The following GPLD1 variants were observed in gnomAD, a reference collection of about 807,000 sequenced individuals.
GPLD1 encodes the protein glycosylphosphatidylinositol specific phospholipase D1.
A neutral mutation model predicts 112.6 loss-of-function variants in GPLD1; 84 were observed. That is an observed-to-expected ratio of 0.75 (90% CI 0.63 to 0.89). The LOEUF is 0.89. Among genes scored for constraint, GPLD1 ranks in the 40% least tolerant of loss-of-function variants. The probability of loss-of-function intolerance (pLI) is 0.00; values close to 1 mark genes in which losing one functional copy is unlikely to be tolerated. For missense variants in GPLD1, 1,044 were observed against 1,051.5 expected, an observed-to-expected ratio of 0.99 and a Z score of 0.10; for synonymous variants, 386 against 403.8, an observed-to-expected ratio of 0.96 and a Z score of 0.53.
downstream of GPLD1, chr6:24,424,219 CCT>C (rs1491334554): frequency 1.6e-5 from 2 of 122,508 alleles, no homozygotes; most frequent in African/African-American, 3.0e-5. Flanking sequence ...GTATTTGCCC[CCT>C]TTTTTTTATA....
chr6:24,466,967 T>A (rs1038635233), intron 8 of GPLD1, 28 bp from the exon 9 acceptor site: 3 of 1,595,810 alleles, frequency 1.9e-6, no homozygotes, highest in Non-Finnish European at 2.6e-6. Flanking sequence ...ATTTTGGCTG[T>A]GAGTTGCAGT....
At chr6:24,442,419 CTAATTTTTTTTTTTTTTTTT>C (rs1561832871) in intron 20 of GPLD1, among the ~76,000 whole-genome samples, 3 of 126,790 alleles carry the variant, frequency 2.4e-5, no homozygotes, top group African/African-American at 5.8e-5. Context: ...CCACATCTGG[CTAATTTTTTTTTTTTTTTTT>C]TTTTTTTTTT....
intron 14 of GPLD1, 91 bp from the exon 15 acceptor site, chr6:24,449,990 ACCCCCGC>A: frequency 1.2e-6 from 1 of 826,248 alleles, no homozygotes; most frequent in Non-Finnish European, 1.9e-6. Flanking sequence ...GCCTGGGACA[ACCCCCGC>A]CCCCCGCCAC....
At chr6:24,444,827 C>A (rs1008009960) in intron 20 of GPLD1, among the ~76,000 whole-genome samples, 2 of 151,870 alleles carry the variant, frequency 1.3e-5, no homozygotes, top group African/African-American at 4.8e-5. Flanking sequence ...CCAGCCTGGG[C>A]GACACAGCAA....
chr6:24,455,827 T>C lies in GPLD1; in HGVS notation c.1148+671A>G, dbSNP rs562061373. Reference sequence around the variant, plus strand: ...ACCGAAAGTTCCTTGTATTTAAACATATTTGACCAAGTGTAAGGAGATCAT... The same window carrying C: ...ACCGAAAGTTCCTTGTATTTAAACACATTTGACCAAGTGTAAGGAGATCAT... On this transcript the variant is annotated intron_variant, in intron 13 of 24. Transcript: ENST00000230036. Among the ~76,000 whole-genome samples, 3 of 152,316 alleles carry C rather than the reference T, an allele frequency of 2.0e-5. No homozygotes were observed. The East Asian group carries it at 5.8e-4, about 29-fold the overall frequency.
At chr6:24,473,460 A>C in intron 6 of GPLD1, 159 bp downstream of exon 6, 1 of 473,750 alleles carries the variant, frequency 2.1e-6, no homozygotes, top group East Asian at 3.1e-5. Flanking sequence ...TCTCTATGTT[A>C]AATGAGGTAC....
chr6:24,445,412 A>C, intron 20 of GPLD1, 134 bp downstream of exon 20: 1 of 635,878 alleles, frequency 1.6e-6, no homozygotes, highest in Non-Finnish European at 2.8e-6. Context: ...GTTACACAGA[A>C]TGTTATTAAT....
At chr6:24,461,187 C>G (rs1763421192) in intron 11 of GPLD1, among the ~76,000 whole-genome samples, 1 of 152,066 alleles carries the variant, frequency 6.6e-6, no homozygotes, top group Non-Finnish European at 1.5e-5. Context: ...AGGGAGTGGA[C>G]AACAGCCGTA....
intron 1 of GPLD1, among the ~76,000 whole-genome samples, chr6:24,486,653 C>G (rs935399968): frequency 2.6e-5 from 4 of 152,014 alleles, no homozygotes; most frequent in African/African-American, 9.7e-5. Context: ...CCCGTCTCTA[C>G]TAAAAATACA....
rs1139456 is a variant in GPLD1, at chr6:24,489,428, T to A, written c.84A>T (p.Thr28=). ...ACCAGTACTTACCTATTTCTACGTG[T>A]GTTGAAAGGCCACACGGTGAACCTC... The part of the protein sequence containing the change: ...CHRGSPCGLS[T]HVEIGHRALE... Residue 28 remains threonine, a synonymous_variant, in exon 1 of 25, where the codon ACA becomes ACT. Coordinates refer to ENST00000230036, the MANE Select transcript of GPLD1 (RefSeq NM_001503.4). 6.2e-7 allele frequency: 1 copy of A among 1,608,612 alleles called. No individual in the cohort carries two copies. The highest frequency in any genetic ancestry group is 1.3e-5 in the African/African-American group (1 of 74,872).
chr6:24,467,156 G>A lies in GPLD1; in HGVS notation c.653+11C>T, dbSNP rs74448794. The A allele has an allele frequency of 8.3e-3, 11,994 of 1,452,578 alleles. 559 individuals carry two copies. In the African/African-American group the frequency reaches 0.12, roughly 15 times the overall value. 90.0% of individuals were successfully genotyped at this position (1,452,578 alleles called of 1,614,324 possible). A position where few individuals can be genotyped will look rare whatever the true frequency, so the allele number is the denominator to read the frequency against. On this transcript the variant is annotated intron_variant, in intron 8 of 24. Coordinates refer to ENST00000230036, the MANE Select transcript of GPLD1 (RefSeq NM_001503.4). Reference sequence around the variant, plus strand: ...AAATCAGCTGCAAATTGTCCTCTGAGTTACGCTTACATTTCTAAGAACTGG... The same window carrying A: ...AAATCAGCTGCAAATTGTCCTCTGAATTACGCTTACATTTCTAAGAACTGG...
chr6:24,455,813 C>T (rs1395370203), intron 13 of GPLD1, among the ~76,000 whole-genome samples: 1 of 152,122 alleles, frequency 6.6e-6, no homozygotes, highest in Non-Finnish European at 1.5e-5. Context: ...CCGAAAGTTC[C>T]TTGTATTTAA....
chr6:24,443,214 G>A (rs957124482), intron 20 of GPLD1, among the ~76,000 whole-genome samples: 5 of 152,120 alleles, frequency 3.3e-5, no homozygotes, highest in African/African-American at 9.7e-5. Flanking sequence ...CTGTTTTAAA[G>A]GAAGGGGAAC....
intron 7 of GPLD1, among the ~76,000 whole-genome samples, chr6:24,472,116 CA>C (rs1763845508): frequency 6.6e-6 from 1 of 152,122 alleles, no homozygotes; most frequent in Non-Finnish European, 1.5e-5. Flanking sequence ...AACAACCCAA[CA>C]GAAAAATAGA....
chr6:24,473,860 C>T (rs1763910021), intron 5 of GPLD1, among the ~76,000 whole-genome samples, 193 bp from the exon 6 acceptor site: 1 of 152,144 alleles, frequency 6.6e-6, no homozygotes, highest in Non-Finnish European at 1.5e-5. Flanking sequence ...CGCGGTAGCT[C>T]ACGCCTGTAA....
intron 6 of GPLD1, chr6:24,473,171 A>G (rs116354434): frequency 0.017 from 2,636 of 152,370 alleles, 88 homozygotes; most frequent in Non-Finnish European, 0.017. Flanking sequence ...CCATATAACC[A>G]AAGGTGTTTT....
In GPLD1 at chr6:24,473,609, T is replaced by C; in HGVS notation, c.490+10A>G. 1 of 1,580,998 alleles carries C rather than the reference T, an allele frequency of 6.3e-7. No individual in the cohort carries two copies. Among genetic ancestry groups the C allele is most frequent in the Non-Finnish European group, 8.7e-7 (1 of 1,150,406 alleles). ...CACGAGAAAATTTAGCAAATGTAAA[T>C]AAACAGTACCAAAATCACCAGCCGA... is the stretch of plus-strand genomic sequence containing the variant. On this transcript the variant is annotated intron_variant, in intron 6 of 24. Coordinates refer to ENST00000230036, the MANE Select transcript of GPLD1 (RefSeq NM_001503.4).
chr6:24,483,062 T>A (rs536918516), intron 2 of GPLD1, among the ~76,000 whole-genome samples: 2 of 152,222 alleles, frequency 1.3e-5, no homozygotes, highest in Non-Finnish European at 2.9e-5. Context: ...ACGCAGCAGC[T>A]TATGCCTGTT....
chr6:24,440,185 A>G (rs793667), intron 20 of GPLD1, among the ~76,000 whole-genome samples: 152,317 of 152,318 alleles, frequency 1, 76,158 homozygotes, highest in Middle Eastern at 1. Flanking sequence ...GCCAGGCATG[A>G]TGGCTCATGC....
Sources: gnomAD v4.1 joint callset for allele counts (sites outside exome capture counted in the v4.1 genomes callset) on GRCh38, gnomAD v4.1.1 for gene constraint, MANE v1.5 for transcripts, NCBI Gene and HGNC (gene_info 2026-07-23, HGNC 2026-07-21) for gene names.